Variants in CCR5AS observed in about 807,000 individuals in gnomAD.
CCR5AS encodes CCR5 antisense RNA.
chr3:46,373,803 G>A (rs55916127), intron 2 of CCR5AS: 57 of 1,613,902 alleles, frequency 3.5e-5, no homozygotes, highest in Middle Eastern at 1.7e-4. Context: ...TGCCTTTGTC[G>A]GGGAGAAGTT....
chr3:46,397,941 A>C (rs1701975229), intron 1 of CCR5AS, among the ~76,000 whole-genome samples: 1 of 152,244 alleles, frequency 6.6e-6, no homozygotes, highest in Admixed American at 6.5e-5. Flanking sequence ...TGCATCAAAA[A>C]GGCCATGTCC....
chr3:46,373,836 T>C (rs1207028719), intron 2 of CCR5AS: 1 of 1,613,982 alleles, frequency 6.2e-7, no homozygotes, highest in Admixed American at 1.7e-5. Flanking sequence ...CTTAGTCTTC[T>C]TCCAAAAGCA....
chr3:46,380,796 T>C (rs1187729283), intron 2 of CCR5AS, among the ~76,000 whole-genome samples: 1 of 152,258 alleles, frequency 6.6e-6, no homozygotes, highest in Non-Finnish European at 1.5e-5. Flanking sequence ...CAAATAGTTC[T>C]GATTCGATCT....
chr3:46,369,777 C>T (rs954986552), intron 3 of CCR5AS, among the ~76,000 whole-genome samples: 4 of 152,122 alleles, frequency 2.6e-5, no homozygotes, highest in Admixed American at 6.5e-5. Flanking sequence ...AATACCCAGA[C>T]GAGAAAGCTG....
intron 2 of CCR5AS, among the ~76,000 whole-genome samples, chr3:46,390,878 G>A (rs1472960405): frequency 6.6e-6 from 1 of 152,172 alleles, no homozygotes; most frequent in African/African-American, 2.4e-5. Flanking sequence ...TGGAGGCAAG[G>A]GAAACAGGCC....
At position 46,405,763 on chromosome 3, in the gene CCR5AS, C is replaced by T. The variant is rs150119749; in HGVS notation, n.163+1134G>A. The stretch of plus-strand genomic sequence containing the variant: ...TCTTTCTGCCTTGTCTGTCGGCACA[C>T]GTGGAGTTAAATTTAATGCTCAATC... On this transcript the variant is annotated intron_variant and non_coding_transcript_variant, in intron 1 of 3. Transcript: ENST00000451485. Among the ~76,000 whole-genome samples, 78 of 152,304 alleles carry T rather than the reference C, an allele frequency of 5.1e-4. No homozygotes were observed. The East Asian group carries it at 8.3e-3, about 16-fold the overall frequency.
intron 2 of CCR5AS, among the ~76,000 whole-genome samples, chr3:46,377,459 G>A (rs1256863655): frequency 2.6e-5 from 4 of 152,120 alleles, no homozygotes; most frequent in African/African-American, 9.7e-5. Flanking sequence ...CATAAACTGG[G>A]ATTCTGTTTA....
intron 3 of CCR5AS, among the ~76,000 whole-genome samples, chr3:46,369,598 A>G (rs1329160040): frequency 2.6e-5 from 4 of 152,178 alleles, no homozygotes; most frequent in Admixed American, 6.5e-5. Context: ...ACTCCGGTGA[A>G]CCAATTTTAT....
At chr3:46,402,876 T>C (rs1282462751) in intron 1 of CCR5AS, among the ~76,000 whole-genome samples, 4 of 152,160 alleles carry the variant, frequency 2.6e-5, no homozygotes, top group African/African-American at 9.7e-5. Context: ...TCTTTTCTGC[T>C]CCTCTCCCTC....
chr3:46,366,386 T>C (rs1559565296), intron 3 of CCR5AS, among the ~76,000 whole-genome samples: 1 of 152,190 alleles, frequency 6.6e-6, no homozygotes, highest in Non-Finnish European at 1.5e-5. Context: ...GTCTATTGTA[T>C]TGTTGAACTG....
chr3:46,371,880 C>T (rs1266305786), intron 2 of CCR5AS, among the ~76,000 whole-genome samples: 1 of 152,204 alleles, frequency 6.6e-6, no homozygotes, highest in Non-Finnish European at 1.5e-5. Context: ...ACTCTGACTA[C>T]ATCATGTCAC....
At position 46,375,107 on chromosome 3, in the gene CCR5AS, G is replaced by T. The variant is rs137866928; in HGVS notation, n.392-3690C>A. On this transcript the variant is annotated intron_variant and non_coding_transcript_variant, in intron 2 of 3. Transcript: ENST00000451485. ...TTTAGGTCAAGAAGAAGATGGATTG[G>T]TGTAAAAGGATGGGTCTGGTTTGCA... The T allele has an allele frequency of 6.2e-4, 103 of 167,206 alleles. 1 individual carries two copies. The highest frequency in any genetic ancestry group is 2.5e-3 in the African/African-American group (102 of 41,532). The allele number at this position is 167,206 out of a possible 1,614,324, so 10.4% of individuals were successfully genotyped here. A position where few individuals can be genotyped will look rare whatever the true frequency, so the allele number is the denominator to read the frequency against.
chr3:46,385,738 ATTAT>A (rs1249359855), intron 2 of CCR5AS, among the ~76,000 whole-genome samples: 1 of 151,094 alleles, frequency 6.6e-6, no homozygotes, highest in South Asian at 2.1e-4. Flanking sequence ...TTATTTATTT[ATTAT>A]TTATTTATTT....
chr3:46,370,403 G>T (rs1008872676), intron 3 of CCR5AS, among the ~76,000 whole-genome samples: 1 of 152,208 alleles, frequency 6.6e-6, no homozygotes, highest in Non-Finnish European at 1.5e-5. Context: ...TGTGGGGGTT[G>T]GGGTGGGATA....
intron 1 of CCR5AS, among the ~76,000 whole-genome samples, chr3:46,393,693 T>C (rs546285249): frequency 3.2e-4 from 49 of 152,290 alleles, no homozygotes; most frequent in African/African-American, 1.1e-3. Context: ...AGTATGCAGA[T>C]AGGAGCCAGA....
intron 2 of CCR5AS, among the ~76,000 whole-genome samples, chr3:46,378,565 CA>C (rs1701784391): frequency 6.6e-6 from 1 of 152,176 alleles, no homozygotes; most frequent in African/African-American, 2.4e-5. Context: ...GCCACATTGG[CA>C]AACCAGCAAG....
At chr3:46,371,483 T>C (rs1701659133) in intron 2 of CCR5AS, 1 of 152,182 alleles carries the variant, frequency 6.6e-6, no homozygotes, top group Non-Finnish European at 1.5e-5. Flanking sequence ...AATATATCAG[T>C]TTCATGGCAC....
chr3:46,367,617 T>C (rs111783269), intron 3 of CCR5AS, among the ~76,000 whole-genome samples: 7 of 152,312 alleles, frequency 4.6e-5, no homozygotes, highest in African/African-American at 1.7e-4. Context: ...GTCACCCAGG[T>C]TGGAGTGCAA....
chr3:46,405,899 T>G (rs1415070524), intron 1 of CCR5AS, among the ~76,000 whole-genome samples: 1 of 150,800 alleles, frequency 6.6e-6, no homozygotes, highest in Non-Finnish European at 1.5e-5. Flanking sequence ...CCAGAGACAG[T>G]GTCTCGCTCT....
Sources: gnomAD v4.1 joint callset for allele counts (sites outside exome capture counted in the v4.1 genomes callset) on GRCh38, gnomAD v4.1.1 for gene constraint, MANE v1.5 for transcripts, NCBI Gene and HGNC (gene_info 2026-07-23, HGNC 2026-07-21) for gene names.